PABPC4L: variants seen among roughly 807,000 people sequenced by gnomAD.
The protein encoded by PABPC4L is polyadenylate-binding protein 4-like.
For missense variants in PABPC4L, 452 were observed against 451.4 expected (o/e 1.00, Z -0.01); for synonymous variants, 169 against 164.1 (o/e 1.03, Z -0.23).
the PABPC4L span, among the ~76,000 whole-genome samples, chr4:133,966,784 CAA>C: frequency 6.6e-6 from 1 of 151,786 alleles, no homozygotes; most frequent in Non-Finnish European, 1.5e-5. Context: ...AAGAATGATA[CAA>C]TGGACTTTGG....
At chr4:133,963,543 C>T in the PABPC4L span, among the ~76,000 whole-genome samples, 280 of 152,116 alleles carry the variant, frequency 1.8e-3, 1 homozygote, top group African/African-American at 6.2e-3. Flanking sequence ...AATAAACATG[C>T]TATTCAACAG....
At chr4:134,171,628 G>C in the PABPC4L span, among the ~76,000 whole-genome samples, 1 of 152,104 alleles carries the variant, frequency 6.6e-6, no homozygotes, top group Admixed American at 6.5e-5. Flanking sequence ...GTCGCCCACT[G>C]TCATGATTCC....
At chr4:134,112,639 A>G in the PABPC4L span, among the ~76,000 whole-genome samples, 1 of 150,006 alleles carries the variant, frequency 6.7e-6, no homozygotes, top group Non-Finnish European at 1.5e-5. Flanking sequence ...TATATCATCT[A>G]TCTATCTACA....
the PABPC4L span, among the ~76,000 whole-genome samples, chr4:134,119,115 T>C: frequency 6.6e-6 from 1 of 151,730 alleles, no homozygotes; most frequent in African/African-American, 2.4e-5. Context: ...ATTTGATATA[T>C]CATGTTTCTT....
the PABPC4L span, among the ~76,000 whole-genome samples, chr4:134,088,818 G>T: frequency 6.6e-6 from 1 of 152,190 alleles, no homozygotes; most frequent in South Asian, 2.1e-4. Flanking sequence ...AGCACAGATT[G>T]AGATGATCAT....
chr4:134,009,575 C>T, the PABPC4L span, among the ~76,000 whole-genome samples: 28 of 152,098 alleles, frequency 1.8e-4, no homozygotes, highest in Non-Finnish European at 3.4e-4. Context: ...TAGCCTTTCA[C>T]TTTGATAGCT....
At chr4:134,104,812 G>A in the PABPC4L span, among the ~76,000 whole-genome samples, 1 of 151,512 alleles carries the variant, frequency 6.6e-6, no homozygotes, top group Non-Finnish European at 1.5e-5. Flanking sequence ...CAACATCTAT[G>A]GCAAACTGCA....
At chr4:133,975,740 C>T in the PABPC4L span, among the ~76,000 whole-genome samples, 1 of 152,046 alleles carries the variant, frequency 6.6e-6, no homozygotes, top group Non-Finnish European at 1.5e-5. Flanking sequence ...CATAGTGAAT[C>T]CACTGTATCC....
chr4:134,177,482 C>T, the PABPC4L span, among the ~76,000 whole-genome samples: 2 of 152,050 alleles, frequency 1.3e-5, no homozygotes, highest in African/African-American at 2.4e-5. Context: ...CCCAGCAGTC[C>T]CACTTCTGTG....
At chr4:134,077,651 A>G in the PABPC4L span, among the ~76,000 whole-genome samples, 1 of 152,218 alleles carries the variant, frequency 6.6e-6, no homozygotes, top group East Asian at 1.9e-4. Context: ...CTAAGGACCA[A>G]TCATAAGTCC....
chr4:134,050,003 CAT>C, the PABPC4L span, among the ~76,000 whole-genome samples: 27 of 152,200 alleles, frequency 1.8e-4, no homozygotes, highest in African/African-American at 6.3e-4. Flanking sequence ...GGATCAGACT[CAT>C]GTGTCTTACA....
At chr4:133,958,004 C>A in the PABPC4L span, among the ~76,000 whole-genome samples, 3 of 152,176 alleles carry the variant, frequency 2.0e-5, no homozygotes, top group African/African-American at 7.2e-5. Flanking sequence ...CCTCTGACGC[C>A]CTGCAGACAT....
the PABPC4L span, among the ~76,000 whole-genome samples, chr4:134,092,155 G>A: frequency 6.6e-6 from 1 of 151,868 alleles, no homozygotes; most frequent in Non-Finnish European, 1.5e-5. Flanking sequence ...ACAAGCCTGG[G>A]CCCACAGCCC....
chr4:134,089,312 C>T, the PABPC4L span, among the ~76,000 whole-genome samples: 1 of 151,808 alleles, frequency 6.6e-6, no homozygotes, highest in Non-Finnish European at 1.5e-5. Flanking sequence ...CATAGACTTC[C>T]TACGCTCACG....
the PABPC4L span, among the ~76,000 whole-genome samples, chr4:134,132,462 A>C: frequency 6.6e-6 from 1 of 150,908 alleles, no homozygotes; most frequent in African/African-American, 2.5e-5. Context: ...ATATGAAAAA[A>C]TGCTCAACAT....
At chr4:134,079,595 A>C in the PABPC4L span, among the ~76,000 whole-genome samples, 4 of 44,690 alleles carry the variant, frequency 9.0e-5, no homozygotes, top group Non-Finnish European at 8.5e-5. Flanking sequence ...AAAAAAAAAA[A>C]AAAAAAAAAA....
At chr4:134,097,881 G>C in the PABPC4L span, among the ~76,000 whole-genome samples, 16 of 151,878 alleles carry the variant, frequency 1.1e-4, 1 homozygote, top group East Asian at 3.1e-3. Context: ...GTTCCTAATT[G>C]AGAAACTTGT....
chr4:134,151,068 A>G, the PABPC4L span, among the ~76,000 whole-genome samples: 2 of 152,174 alleles, frequency 1.3e-5, no homozygotes, highest in African/African-American at 2.4e-5. Flanking sequence ...GTTTACATAA[A>G]GTGTAAAGTA....
At chr4:133,999,555 T>G in the PABPC4L span, among the ~76,000 whole-genome samples, 1 of 152,088 alleles carries the variant, frequency 6.6e-6, no homozygotes, top group Admixed American at 6.6e-5. Flanking sequence ...TCACAAATTT[T>G]TTATGTTATT....
Sources: gnomAD v4.1 joint callset for allele counts (sites outside exome capture counted in the v4.1 genomes callset) on GRCh38, gnomAD v4.1.1 for gene constraint, MANE v1.5 for transcripts, NCBI Gene and HGNC (gene_info 2026-07-23, HGNC 2026-07-21) for gene names.